MASP1: variants seen among roughly 807,000 people sequenced by gnomAD.
MASP1 encodes the protein MBL associated serine protease 1.
In MASP1, 59 loss-of-function variants were observed where a neutral mutation model predicts 77.1. The observed-to-expected ratio is 0.77, with a 90% CI of 0.62 to 0.95. The LOEUF (loss-of-function observed/expected upper bound fraction) is 0.95, where lower values mean the gene tolerates loss of function less well. Ranked by LOEUF, MASP1 falls within the 40% of genes least tolerant of loss-of-function variation. The pLI is 0.00. For synonymous variants in MASP1, 362 were observed against 354.5 expected (o/e 1.02, Z -0.24); for missense variants, 885 against 912.9 (o/e 0.97, Z 0.39).
chr3:187,228,223 G>A (rs1305865447), intron 11 of MASP1, among the ~76,000 whole-genome samples: 3 of 149,914 alleles, frequency 2.0e-5, no homozygotes, highest in African/African-American at 4.9e-5. Flanking sequence ...AGAGGCGGAG[G>A]TTGCAGTGAG....
At chr3:187,240,844 C>T (rs908828901) in intron 10 of MASP1, among the ~76,000 whole-genome samples, 2 of 152,100 alleles carry the variant, frequency 1.3e-5, no homozygotes, top group African/African-American at 4.8e-5. Context: ...CTGTGTTGAC[C>T]AGGCTGGTCT....
Position 187,236,151 on chromosome 3 carries a change from G to A in MASP1, c.1720C>T (p.Leu574=). 6.2e-7 allele frequency: 1 copy of A among 1,614,006 alleles called. No individual in the cohort carries two copies. The highest frequency in any genetic ancestry group is 1.1e-5 in the South Asian group (1 of 91,084). Residue 574 remains leucine, a synonymous_variant, in exon 11 of 11, where the codon CTG becomes TTG. Transcript: ENST00000296280. ...PLGPHVMPVC[L]PRLEPEGPAP... ...GGGCCTTCAGGCTCAAGCCTTGGCAGGCAGACAGGCATAACGTGGGGTCCC... is the reference window on the plus strand; with the variant it reads ...GGGCCTTCAGGCTCAAGCCTTGGCAAGCAGACAGGCATAACGTGGGGTCCC...
intron 15 of MASP1, among the ~76,000 whole-genome samples, chr3:187,220,486 TTTTTTCTTTC>T (rs1711984119): frequency 6.9e-6 from 1 of 144,788 alleles, no homozygotes; most frequent in Admixed American, 7.0e-5. Context: ...TTTCTTTTTC[TTTTTTCTTTC>T]TTTTTTTTTT....
intron 3 of MASP1, among the ~76,000 whole-genome samples, chr3:187,261,282 C>A (rs896825730): frequency 5.9e-5 from 9 of 152,214 alleles, no homozygotes; most frequent in African/African-American, 1.9e-4. Flanking sequence ...TAGAATCACA[C>A]AGATAATAAG....
rs756472154 is a variant in MASP1 at position 187,235,771 on chromosome 3, G to T, written c.2100C>A (p.Val700=). ...CCACGTAATTGGAGACCTTTGTGTA[G>T]ACTCCATAGACCTGCTTGCTGCCGC... is the stretch of plus-strand genomic sequence containing the variant. ...EECGSKQVYG[V]YTKVSNYVDW... is the part of the protein sequence containing the mutation. The change falls in exon 11 of 11, where the codon GTC becomes GTA. Residue 700 remains valine, a synonymous_variant. Coordinates refer to ENST00000296280, the MANE Select transcript of MASP1 (RefSeq NM_139125.4). 6.2e-7 allele frequency: 1 copy of T among 1,614,150 alleles called. No individual in the cohort carries two copies. Among genetic ancestry groups the T allele is most frequent in the South Asian group, 1.1e-5 (1 of 91,074 alleles).
chr3:187,247,396 G>T (rs373102445), intron 8 of MASP1: 24 of 1,613,962 alleles, frequency 1.5e-5, no homozygotes, highest in Non-Finnish European at 2.0e-5. Context: ...CTGCCACCAT[G>T]GTGAAGATCA....
rs1253315616 is a variant in MASP1 at position 187,262,589 on chromosome 3, G to T, written c.369C>A (p.Ser123=). 1 of 1,613,990 alleles carries T rather than the reference G, an allele frequency of 6.2e-7. No homozygotes were observed. The highest frequency in any genetic ancestry group is 8.5e-7 in the Non-Finnish European group (1 of 1,180,012). ...FMSITFRSDF[S]NEERFTGFDA... is the part of the protein sequence containing the mutation. ...CAAAGCCTGTGAAACGCTCCTCATT[G>T]GAGAAATCTGACCGGAAAGTGATGG... Residue 123 remains serine (S), a synonymous_variant, in exon 3 of 11, where the codon TCC becomes TCA. Transcript: ENST00000296280.
chr3:187,243,609 C>G lies in MASP1; in HGVS notation c.1103G>C (p.Arg368Thr). The G allele has an allele frequency of 6.2e-7, 1 of 1,614,210 alleles. No individual in the cohort carries two copies. Among genetic ancestry groups the G allele is most frequent in the Non-Finnish European group, 8.5e-7 (1 of 1,180,046 alleles). The change falls in exon 9 of 11, where the codon AGA becomes ACA. Residue 368 changes from arginine (R) to threonine (T), a missense_variant. Physicochemically the swap from Arg to Thr is moderately conservative, Grantham distance 71. Transcript: ENST00000296280. ...KIPTCKIVDC[R>T]APGELEHGLI... is the part of the protein sequence containing the mutation. ...CCCGTGTTCCAGCTCTCCTGGGGCT[C>G]TACAGTCTACAACTGAGAGAGAAGA...
rs748853135 is a variant in MASP1 at position 187,236,514 on chromosome 3, C to A, written c.1357G>T (p.Gly453Cys). Residue 453 changes from glycine (G) to cysteine (C), a missense_variant, in exon 11 of 11, where the codon GGC (glycine) becomes TGC (cysteine). Transcript: ENST00000296280. ...LPSLVKRIIG[G>C]RNAEPGLFPW... Reference sequence around the variant, plus strand: ...AAGAGGCCAGGCTCAGCATTTCGGCCCCCAATGATCCTCTTGACCAGGCTT... The same window carrying A: ...AAGAGGCCAGGCTCAGCATTTCGGCACCCAATGATCCTCTTGACCAGGCTT... 1 of 1,613,984 alleles carries A rather than the reference C, an allele frequency of 6.2e-7. No homozygotes were observed.
In MASP1 at chr3:187,234,569, A is replaced by G. The variant is rs1712981109; in HGVS notation, c.*1115T>C. On this transcript the variant is annotated 3_prime_UTR_variant, in exon 11 of 11. Transcript: ENST00000296280. ...CTCTTTTCACTGCCTGCCATGGGTG[A>G]GCCTCTGATTCCTTTGACTCTGAAA... The G allele has an allele frequency of 7.8e-7, 1 of 1,287,124 alleles. No individual in the cohort carries two copies. The highest frequency in any genetic ancestry group is 2.3e-5 in the Admixed American group (1 of 43,544). 79.7% of individuals were successfully genotyped at this position (1,287,124 alleles called of 1,614,324 possible).
intron 8 of MASP1, chr3:187,244,855 G>A (rs1416831601): frequency 6.6e-6 from 1 of 152,186 alleles, no homozygotes; most frequent in East Asian, 1.9e-4. Context: ...TGGTCATTTT[G>A]GGAAACAGTG....
In MASP1 at chr3:187,234,220, A is replaced by C. The variant is rs749062876; in HGVS notation, c.*1464T>G. On this transcript the variant is annotated 3_prime_UTR_variant, in exon 11 of 11. Transcript: ENST00000296280. ...TCATTTACATGTGCCATTCATAGACAAAGGAGTGTGTTTGATGAGCCGGTT... is the reference window on the plus strand; with the variant it reads ...TCATTTACATGTGCCATTCATAGACCAAGGAGTGTGTTTGATGAGCCGGTT... 27 of 1,287,116 alleles carry C rather than the reference A, an allele frequency of 2.1e-5. No homozygotes were observed. The highest frequency in any genetic ancestry group is 2.5e-5 in the South Asian group (2 of 80,944). The allele number at this position is 1,287,116 out of a possible 1,614,324, so 79.7% of individuals were successfully genotyped here.
At chr3:187,268,123 A>T (rs536649295) in intron 2 of MASP1, among the ~76,000 whole-genome samples, 1 of 152,322 alleles carries the variant, frequency 6.6e-6, no homozygotes, top group South Asian at 2.1e-4. Flanking sequence ...AAAACAGACC[A>T]CTTGAATAAT....
At chr3:187,231,640 G>A (rs979870505), downstream of MASP1, among the ~76,000 whole-genome samples, 1 of 152,218 alleles carries the variant, frequency 6.6e-6, no homozygotes, top group Non-Finnish European at 1.5e-5. Flanking sequence ...GATACATTTT[G>A]CATCCCTAGG....
At chr3:187,221,526 T>C (rs1181697202) in intron 14 of MASP1, among the ~76,000 whole-genome samples, 2 of 152,244 alleles carry the variant, frequency 1.3e-5, no homozygotes, top group Admixed American at 1.3e-4. Context: ...AACATGTGGC[T>C]TACTCATTGT....
intron 9 of MASP1, 130 bp downstream of exon 9, chr3:187,243,354 C>G (rs1175298309): frequency 7.7e-6 from 7 of 907,468 alleles, no homozygotes; most frequent in South Asian, 1.3e-5. Flanking sequence ...GTGAGTGACA[C>G]GTTTTGCATT....
At chr3:187,265,890 T>G (rs1280454760) in intron 2 of MASP1, among the ~76,000 whole-genome samples, 4 of 152,178 alleles carry the variant, frequency 2.6e-5, no homozygotes, top group Admixed American at 6.5e-5. Flanking sequence ...AGGATGTGGC[T>G]CAGTGACAGC....
chr3:187,220,144 T>C lies in MASP1; in HGVS notation c.2027A>G (p.Asp676Gly), dbSNP rs1218109963. The C allele has an allele frequency of 1.2e-6, 2 of 1,614,026 alleles. No homozygotes were observed. Among genetic ancestry groups the C allele is most frequent in the African/African-American group, 2.7e-5 (2 of 74,912 alleles). The change falls in exon 16 of 16, where the codon GAC becomes GGC. Residue 676 changes from aspartate to glycine, a missense_variant. Physicochemically the swap from Asp to Gly is moderately conservative, Grantham distance 94. Transcript: ENST00000337774. ...GATGTAAGAGTATACTCCGTAGCGG[T>C]CCTTCTTCCCACAGTCATCACCCCA...
At chr3:187,281,831 G>A (rs188425298) in intron 2 of MASP1, among the ~76,000 whole-genome samples, 2 of 152,276 alleles carry the variant, frequency 1.3e-5, no homozygotes, top group Admixed American at 1.3e-4. Flanking sequence ...AGAGGGATGT[G>A]GATTTACCTG....
Sources: allele counts gnomAD v4.1 joint callset (sites outside exome capture counted in the v4.1 genomes callset), GRCh38; gene constraint gnomAD v4.1.1; transcripts MANE v1.5; gene names NCBI Gene and HGNC (gene_info 2026-07-23, HGNC 2026-07-21).